The following VAV2 variants were observed in gnomAD, a reference collection of about 807,000 sequenced individuals.
VAV2 encodes guanine nucleotide exchange factor VAV2.
VAV2 carries 67 observed loss-of-function variants against 132.5 expected under a neutral mutation model. That is an observed-to-expected ratio of 0.51 (90% CI 0.42 to 0.62). VAV2 has a LOEUF of 0.62. Among genes scored for constraint, VAV2 ranks in the 20% least tolerant of loss-of-function variants. The pLI, the probability that VAV2 is intolerant of heterozygous loss-of-function variation, is 0.00. For missense variants in VAV2, 938 were observed against 1,153.6 expected (o/e 0.81, Z 2.71); for synonymous variants, 492 against 443.5 (o/e 1.11, Z -1.37).
chr9:133,806,245 C>T, intron 8 of VAV2, 64 bp from the exon 9 acceptor site: 1 of 1,485,160 alleles, frequency 6.7e-7, no homozygotes, highest in Non-Finnish European at 9.2e-7. Flanking sequence ...GGAGCGCCGC[C>T]CTTAAAGTGC....
At position 133,885,233 on chromosome 9, in the gene VAV2, G is replaced by A. The variant is rs928427169; in HGVS notation, c.322-23801C>T. 2.0e-5 allele frequency among the ~76,000 whole-genome samples: 3 copies of A among 152,226 alleles called. No homozygotes were observed. The highest frequency in any genetic ancestry group is 7.2e-5 in the African/African-American group (3 of 41,462). On this transcript the variant is annotated intron_variant, in intron 2 of 29. Transcript: ENST00000371850. The surrounding 1 kb of genome is among the most constrained non-coding windows in gnomAD (Gnocchi z 5.0). ...GCCCACTCAACCAAGGGCGGCCCAG[G>A]GAAGGGCATGTATGCAGCCCCCGCG...
At chr9:133,922,635 G>A (rs900153828) in intron 2 of VAV2, among the ~76,000 whole-genome samples, 1 of 152,178 alleles carries the variant, frequency 6.6e-6, no homozygotes. Context: ...TGGGAAAACT[G>A]GACAGCTATA....
At chr9:133,982,237 C>T (rs1156425316) in intron 1 of VAV2, among the ~76,000 whole-genome samples, 6 of 151,760 alleles carry the variant, frequency 4.0e-5, no homozygotes, top group South Asian at 2.1e-4. Flanking sequence ...GCTGGGGCAC[C>T]GAAGGCCAGG....
Position 133,833,504 on chromosome 9 carries a change from A to G in VAV2, c.449+768T>C, listed in dbSNP as rs1162561234. Among the ~76,000 whole-genome samples, 2 of 152,162 alleles carry G rather than the reference A, an allele frequency of 1.3e-5. No individual in the cohort carries two copies. Among genetic ancestry groups the G allele is most frequent in the Non-Finnish European group, 2.9e-5 (2 of 68,020 alleles). ...GGCAGCAAGGATGCCCGAAGGCACC[A>G]TCTCCCGGTGGCCTGGGAGGGTGGT... is the stretch of plus-strand genomic sequence containing the variant. On this transcript the variant is annotated intron_variant, in intron 4 of 29. Coordinates refer to ENST00000371850, the MANE Select transcript of VAV2 (RefSeq NM_001134398.2). This position sits in a 1 kb window ranked among gnomAD's most constrained non-coding sequence, Gnocchi z 5.6.
chr9:133,811,078 G>C (rs1353744138), intron 5 of VAV2, among the ~76,000 whole-genome samples: 1 of 152,218 alleles, frequency 6.6e-6, no homozygotes, highest in Non-Finnish European at 1.5e-5. Context: ...ACCCAGCCAG[G>C]CTCCCCGGGA....
At chr9:133,886,050 G>C (rs920170118) in intron 2 of VAV2, among the ~76,000 whole-genome samples, 2 of 152,212 alleles carry the variant, frequency 1.3e-5, no homozygotes, top group African/African-American at 4.8e-5. Flanking sequence ...TGGGGGGCGG[G>C]AAGGCCCAGC....
intron 2 of VAV2, among the ~76,000 whole-genome samples, chr9:133,880,406 G>GAA (rs1262299627): frequency 6.6e-6 from 1 of 152,256 alleles, no homozygotes; most frequent in Non-Finnish European, 1.5e-5. Context: ...AATGGCCTTA[G>GAA]GGGCAGCCAT....
chr9:133,916,416 G>A (rs762780100), intron 2 of VAV2, among the ~76,000 whole-genome samples: 31 of 152,230 alleles, frequency 2.0e-4, no homozygotes, highest in Non-Finnish European at 3.2e-4. Context: ...GGGTGCCAAC[G>A]AGGGCCCGGG....
At chr9:133,771,825 C>A in intron 26 of VAV2, 134 bp downstream of exon 26, 1 of 858,514 alleles carries the variant, frequency 1.2e-6, no homozygotes, top group Non-Finnish European at 1.9e-6. Context: ...GCCTTAAAAA[C>A]CAATTCCCTA....
intron 3 of VAV2, among the ~76,000 whole-genome samples, chr9:133,853,844 C>T (rs1055967146): frequency 6.6e-6 from 1 of 152,134 alleles, no homozygotes; most frequent in African/African-American, 2.4e-5. Context: ...AACCTGCAAC[C>T]AAGCCCCAGG....
At chr9:133,975,520 T>C (rs564736311) in intron 1 of VAV2, among the ~76,000 whole-genome samples, 1 of 152,282 alleles carries the variant, frequency 6.6e-6, no homozygotes, top group African/African-American at 2.4e-5. Flanking sequence ...TTGCGGAAAG[T>C]ATTAGCAGCA....
At chr9:133,904,857 C>G (rs139119255) in intron 2 of VAV2, among the ~76,000 whole-genome samples, 1 of 152,262 alleles carries the variant, frequency 6.6e-6, no homozygotes, top group Non-Finnish European at 1.5e-5. Context: ...AATACTCTTT[C>G]GCCTGAGTAA....
At chr9:133,942,238 C>T (rs2132147635) in intron 1 of VAV2, among the ~76,000 whole-genome samples, 1 of 152,378 alleles carries the variant, frequency 6.6e-6, no homozygotes, top group African/African-American at 2.4e-5. Flanking sequence ...GGGCCCCTTT[C>T]CTTAGCAACT....
At chr9:133,965,678 GAATT>G (rs1204179086) in intron 1 of VAV2, among the ~76,000 whole-genome samples, 20 of 152,024 alleles carry the variant, frequency 1.3e-4, no homozygotes, top group East Asian at 1.9e-4. Flanking sequence ...TGCATTCGAA[GAATT>G]AATAATTTGA....
At chr9:133,982,227 G>A (rs1842716797) in intron 1 of VAV2, among the ~76,000 whole-genome samples, 2 of 152,132 alleles carry the variant, frequency 1.3e-5, no homozygotes, top group Non-Finnish European at 2.9e-5. Context: ...TGTGCCTGAG[G>A]CTGGGGCACC....
intron 6 of VAV2, among the ~76,000 whole-genome samples, chr9:133,809,404 TAG>T (rs1424510791): frequency 1.3e-5 from 2 of 152,206 alleles, no homozygotes; most frequent in Non-Finnish European, 2.9e-5. Flanking sequence ...CAGAGCCTTC[TAG>T]AATCCCAGGC....
chr9:133,788,834 C>G lies in VAV2; in HGVS notation c.1275-348G>C, dbSNP rs1184395246. On this transcript the variant is annotated intron_variant, in intron 14 of 29. Coordinates refer to ENST00000371850, the MANE Select transcript of VAV2 (RefSeq NM_001134398.2). The surrounding 1 kb of genome is among the most constrained non-coding windows in gnomAD (Gnocchi z 5.3). ...GACTGGGAGCCTCAAGAGGGTGGGA[C>G]CCAGATCTGCTGTGACCCCTGCCCC... Among the ~76,000 whole-genome samples the G allele has an allele frequency of 3.3e-5, 5 of 152,214 alleles. No individual in the cohort carries two copies. The highest frequency in any genetic ancestry group is 1.2e-4 in the African/African-American group (5 of 41,462).
chr9:133,786,044 C>G, intron 16 of VAV2, 159 bp from the exon 17 acceptor site: 1 of 711,998 alleles, frequency 1.4e-6, no homozygotes, highest in Non-Finnish European at 2.5e-6. Flanking sequence ...ACGTGTGTAC[C>G]TGCTCTCTTG....
At chr9:133,845,892 G>A (rs1836915481) in intron 3 of VAV2, among the ~76,000 whole-genome samples, 1 of 152,212 alleles carries the variant, frequency 6.6e-6, no homozygotes, top group Admixed American at 6.5e-5. Context: ...TGACCGAGGT[G>A]GGGCCAGTCT....
Sources: allele counts gnomAD v4.1 joint callset (sites outside exome capture counted in the v4.1 genomes callset), GRCh38; gene constraint gnomAD v4.1.1; non-coding constraint Gnocchi (gnomAD v3.1); transcripts MANE v1.5; gene names NCBI Gene and HGNC (gene_info 2026-07-23, HGNC 2026-07-21).